The following GUCY1A2 variants were observed in gnomAD, a reference collection of about 807,000 sequenced individuals.
GUCY1A2 encodes guanylate cyclase 1 soluble subunit alpha 2.
Under a neutral mutation model 63.5 loss-of-function variants are expected in GUCY1A2, and 27 were observed. The ratio of observed to expected loss-of-function variants is 0.43; its 90% confidence interval spans 0.31 to 0.59. GUCY1A2 has a LOEUF of 0.59. Among genes scored for constraint, GUCY1A2 ranks in the 20% least tolerant of loss-of-function variants. GUCY1A2 has a pLI of 0.11. For synonymous variants in GUCY1A2, 364 were observed against 343.5 expected (o/e 1.06, Z -0.66); for missense variants, 768 against 913.3 (o/e 0.84, Z 2.05).
chr11:106,888,384 G>T (rs1859928574), intron 4 of GUCY1A2, among the ~76,000 whole-genome samples: 1 of 151,882 alleles, frequency 6.6e-6, no homozygotes, highest in Non-Finnish European at 1.5e-5. Flanking sequence ...AGAATGGCGT[G>T]AACCCAGGAG....
chr11:106,725,307 G>A lies in GUCY1A2; in HGVS notation c.1837-16641C>T, dbSNP rs1399739687. Among the ~76,000 whole-genome samples the A allele has an allele frequency of 4.9e-5, 5 of 102,726 alleles. 1 individual carries two copies. Among genetic ancestry groups the A allele is most frequent in the Admixed American group, 3.0e-4 (3 of 9,976 alleles). The allele number at this position is 102,726 out of a possible 152,430, so 67.4% of individuals were successfully genotyped here. A position where few individuals can be genotyped will look rare whatever the true frequency, so the allele number is the denominator to read the frequency against. ...CCTGCCTCAGCCTCCCAAGTAGCTG[G>A]GACTACAGGCGCCCGCCACTACGCC... On this transcript the variant is annotated intron_variant, in intron 6 of 7. Coordinates refer to ENST00000526355, the MANE Select transcript of GUCY1A2 (RefSeq NM_000855.3).
At chr11:106,779,821 A>G (rs1169969682) in intron 5 of GUCY1A2, among the ~76,000 whole-genome samples, 1 of 152,218 alleles carries the variant, frequency 6.6e-6, no homozygotes, top group Non-Finnish European at 1.5e-5. Flanking sequence ...AAATGAATGA[A>G]GTAGAAAATA....
intron 1 of GUCY1A2, among the ~76,000 whole-genome samples, chr11:106,986,609 T>C (rs556918807): frequency 6.6e-6 from 1 of 152,316 alleles, no homozygotes; most frequent in East Asian, 1.9e-4. Context: ...CAGTGATAAA[T>C]TGAGTTAAAA....
intron 4 of GUCY1A2, among the ~76,000 whole-genome samples, chr11:106,890,591 C>T (rs528019583): frequency 6.6e-6 from 1 of 152,260 alleles, no homozygotes; most frequent in South Asian, 2.1e-4. Flanking sequence ...GCCACACTTA[C>T]CAAAATTTTT....
At chr11:106,708,773 T>A in intron 6 of GUCY1A2, 107 bp from the exon 7 acceptor site, 2 of 654,836 alleles carry the variant, frequency 3.1e-6, no homozygotes, top group Non-Finnish European at 4.7e-6. Context: ...AAAAAAAAAC[T>A]ATGAGCTCCT....
chr11:106,947,377 A>C (rs1320848905), intron 3 of GUCY1A2, among the ~76,000 whole-genome samples: 1 of 151,988 alleles, frequency 6.6e-6, no homozygotes, highest in Non-Finnish European at 1.5e-5. Context: ...ATAAAAGAAA[A>C]CCTTGATAAA....
intron 4 of GUCY1A2, among the ~76,000 whole-genome samples, chr11:106,869,737 C>T (rs1461902671): frequency 1.3e-5 from 2 of 152,056 alleles, no homozygotes; most frequent in East Asian, 3.9e-4. Flanking sequence ...ACCATTTGAC[C>T]CAGCCATCCC....
intron 1 of GUCY1A2, among the ~76,000 whole-genome samples, chr11:107,007,649 T>C (rs1162040962): frequency 6.6e-6 from 1 of 152,188 alleles, no homozygotes; most frequent in Non-Finnish European, 1.5e-5. Flanking sequence ...CTTCTTCCTA[T>C]TCCTAGGCAG....
intron 6 of GUCY1A2, among the ~76,000 whole-genome samples, chr11:106,732,250 A>C (rs1863518127): frequency 1.3e-5 from 2 of 152,176 alleles, no homozygotes; most frequent in South Asian, 4.1e-4. Context: ...GATCTTTGAC[A>C]AAGTCGACAG....
At chr11:106,868,587 C>T (rs942879751) in intron 4 of GUCY1A2, among the ~76,000 whole-genome samples, 3 of 152,120 alleles carry the variant, frequency 2.0e-5, no homozygotes, top group Non-Finnish European at 4.4e-5. Flanking sequence ...CTACAAACCA[C>T]TGCTCAACAA....
intron 5 of GUCY1A2, among the ~76,000 whole-genome samples, chr11:106,792,045 T>C (rs58386631): frequency 1.3e-5 from 2 of 151,924 alleles, no homozygotes; most frequent in African/African-American, 4.8e-5. Flanking sequence ...TGATGCAAAA[T>C]TCTTCAACAA....
At chr11:106,706,880 T>C (rs1862923469) in intron 7 of GUCY1A2, among the ~76,000 whole-genome samples, 2 of 152,266 alleles carry the variant, frequency 1.3e-5, no homozygotes, top group African/African-American at 2.4e-5. Flanking sequence ...CAATTTGCCA[T>C]GGTAATTGTT....
intron 6 of GUCY1A2, among the ~76,000 whole-genome samples, chr11:106,716,822 G>A (rs1342508386): frequency 4.3e-5 from 6 of 138,328 alleles, no homozygotes; most frequent in African/African-American, 1.6e-4. Flanking sequence ...GGAATTATAA[G>A]AGAGCTATAA....
At chr11:106,944,289 A>G in intron 3 of GUCY1A2, among the ~76,000 whole-genome samples, 1 of 101,714 alleles carries the variant, frequency 9.8e-6, no homozygotes. Flanking sequence ...TACTAAAAAT[A>G]CAAAAAAAGA....
intron 4 of GUCY1A2, among the ~76,000 whole-genome samples, chr11:106,917,397 G>C (rs1301081080): frequency 6.9e-6 from 1 of 145,582 alleles, no homozygotes; most frequent in Non-Finnish European, 1.5e-5. Context: ...CAGCCAGATA[G>C]ATCAGGCAAT....
At chr11:106,914,642 A>G (rs1236546346) in intron 4 of GUCY1A2, among the ~76,000 whole-genome samples, 1 of 151,970 alleles carries the variant, frequency 6.6e-6, no homozygotes, top group African/African-American at 2.4e-5. Flanking sequence ...AAGGAAAATT[A>G]AATAAATATA....
intron 7 of GUCY1A2, among the ~76,000 whole-genome samples, chr11:106,698,145 G>A (rs1322609956): frequency 9.2e-5 from 4 of 43,276 alleles, no homozygotes; most frequent in African/African-American, 2.7e-4. Flanking sequence ...TTTTAGACAG[G>A]GTCTCACTCT....
At chr11:106,748,483 C>T (rs974574346) in intron 6 of GUCY1A2, among the ~76,000 whole-genome samples, 6 of 152,128 alleles carry the variant, frequency 3.9e-5, no homozygotes, top group Non-Finnish European at 7.4e-5. Context: ...AGAAGGAGAA[C>T]AGCACCTCAT....
intron 4 of GUCY1A2, chr11:106,936,555 T>C: frequency 4.9e-6 from 3 of 614,620 alleles, no homozygotes; most frequent in Non-Finnish European, 5.7e-6. Flanking sequence ...GAGAAGAATA[T>C]GTGAGGCATG....
Sources: gnomAD v4.1 joint callset for allele counts (sites outside exome capture counted in the v4.1 genomes callset) on GRCh38, gnomAD v4.1.1 for gene constraint, MANE v1.5 for transcripts, NCBI Gene and HGNC (gene_info 2026-07-23, HGNC 2026-07-21) for gene names.